MDGA2: variants seen among roughly 807,000 people sequenced by gnomAD.
MDGA2 encodes the protein MAM domain containing glycosylphosphatidylinositol anchor 2.
Under a neutral mutation model 117.8 loss-of-function variants are expected in MDGA2, and 40 were observed. The observed-to-expected ratio is 0.34, with a 90% CI of 0.26 to 0.44. The LOEUF is 0.44. MDGA2 is among the 20% of genes least tolerant of loss of function. The probability of loss-of-function intolerance (pLI) is 1.00; values close to 1 mark genes in which losing one functional copy is unlikely to be tolerated. For synonymous variants in MDGA2, 452 were observed against 439.0 expected, an observed-to-expected ratio of 1.03 and a Z score of -0.37; for missense variants, 1,123 against 1,250.6, an observed-to-expected ratio of 0.90 and a Z score of 1.54.
At chr14:47,042,316 T>TTG (rs1889100823) in intron 7 of MDGA2, among the ~76,000 whole-genome samples, 1 of 77,072 alleles carries the variant, frequency 1.3e-5, no homozygotes, top group Admixed American at 1.2e-4. Context: ...ATCTATGTTT[T>TTG]TTTTTTTTTT....
At chr14:47,110,444 C>A (rs571656899) in intron 5 of MDGA2, among the ~76,000 whole-genome samples, 1 of 152,226 alleles carries the variant, frequency 6.6e-6, no homozygotes, top group East Asian at 1.9e-4. Context: ...GTGTTGATTT[C>A]ATAGCTATAG....
rs142775730 is a variant in MDGA2, at chr14:46,888,859, T to C, written c.2239-6638A>G. ...TGTGTGTTTATTTCATTTATTTTTA[T>C]GTAACTCTATAAAAGATTGATATAT... On this transcript the variant is annotated intron_variant, in intron 10 of 16. Coordinates refer to ENST00000399232, the MANE Select transcript of MDGA2 (RefSeq NM_001113498.3). Among the ~76,000 whole-genome samples the C allele has an allele frequency of 2.5e-3, 387 of 152,060 alleles. 6 individuals are homozygous for C. The highest frequency in any genetic ancestry group is 9.0e-3 in the African/African-American group (374 of 41,556).
chr14:47,329,984 AG>A (rs1426512406), intron 1 of MDGA2, among the ~76,000 whole-genome samples: 5 of 151,984 alleles, frequency 3.3e-5, no homozygotes, highest in African/African-American at 1.2e-4. Context: ...TGAACCAATC[AG>A]GTGTTTTAAT....
chr14:47,072,846 C>T (rs1890344005), intron 6 of MDGA2, among the ~76,000 whole-genome samples: 2 of 152,152 alleles, frequency 1.3e-5, no homozygotes, highest in Admixed American at 6.6e-5. Context: ...GATATTAAGG[C>T]ACAAACTAAA....
At chr14:47,671,385 TA>T (rs1300570255) in intron 1 of MDGA2, among the ~76,000 whole-genome samples, 1 of 152,178 alleles carries the variant, frequency 6.6e-6, no homozygotes, top group Non-Finnish European at 1.5e-5. Context: ...CTCAATTCAC[TA>T]AAAAACAGAA....
Position 46,855,086 on chromosome 14 carries a change from C to T in MDGA2, c.2821G>A (p.Gly941Arg). 6.2e-7 allele frequency: 1 copy of T among 1,611,102 alleles called. No individual in the cohort carries two copies. ...TCATTCCATCTTTGTCCTTTATTCC[C>T]ACTTGAAGACCACAGTGGATTCTCT... ...TIENPLWSSS[G>R]NKGQRWNEAH... The change falls in exon 15 of 17, where the codon GGG becomes AGG. Residue 941 changes from glycine to arginine, a missense_variant. Gly to Arg is a moderately radical substitution (Grantham distance 125, BLOSUM62 -2). Transcript: ENST00000399232. The surrounding 1 kb of genome is among the most constrained non-coding windows in gnomAD (Gnocchi z 4.1).
intron 1 of MDGA2, among the ~76,000 whole-genome samples, chr14:47,448,246 G>T (rs1893168296): frequency 6.6e-6 from 1 of 151,920 alleles, no homozygotes. Context: ...CACCTCCTCG[G>T]TTCAAGCAAT....
At chr14:46,880,600 C>T (rs536688834) in intron 11 of MDGA2, among the ~76,000 whole-genome samples, 18 of 151,370 alleles carry the variant, frequency 1.2e-4, no homozygotes, top group African/African-American at 3.6e-4. Flanking sequence ...GTCGGGAGTT[C>T]GAGACCAGCC....
chr14:47,374,063 A>G (rs983967625), intron 1 of MDGA2, among the ~76,000 whole-genome samples: 1 of 152,142 alleles, frequency 6.6e-6, no homozygotes, highest in African/African-American at 2.4e-5. Context: ...TATCTTTGTT[A>G]TAAACCTACT....
At chr14:46,915,773 G>A (rs1341318102) in intron 10 of MDGA2, among the ~76,000 whole-genome samples, 2 of 152,100 alleles carry the variant, frequency 1.3e-5, no homozygotes, top group East Asian at 3.9e-4. Flanking sequence ...AACTGCGGGG[G>A]ACATGTGGAC....
chr14:47,624,128 A>C (rs1315425728), intron 1 of MDGA2, among the ~76,000 whole-genome samples: 1 of 152,172 alleles, frequency 6.6e-6, no homozygotes, highest in East Asian at 1.9e-4. Context: ...CTCACAACGT[A>C]GTAAGGTTGA....
intron 4 of MDGA2, among the ~76,000 whole-genome samples, chr14:47,135,871 C>T (rs1000028480): frequency 1.4e-4 from 21 of 152,024 alleles, no homozygotes; most frequent in African/African-American, 5.1e-4. Context: ...CCTATCTGAA[C>T]TGATGTGTCC....
At chr14:47,355,582 G>GA (rs757619712) in intron 1 of MDGA2, among the ~76,000 whole-genome samples, 4 of 151,630 alleles carry the variant, frequency 2.6e-5, no homozygotes, top group Non-Finnish European at 5.9e-5. Context: ...CTCTAGGTGG[G>GA]ACCACCCAGA....
chr14:47,458,996 G>A (rs540053465), intron 1 of MDGA2, among the ~76,000 whole-genome samples: 1 of 150,654 alleles, frequency 6.6e-6, no homozygotes, highest in Non-Finnish European at 1.5e-5. Flanking sequence ...TCTTTAACTA[G>A]GGAGAGAAGT....
chr14:47,103,184 C>T (rs978882161), intron 5 of MDGA2, among the ~76,000 whole-genome samples: 1 of 152,158 alleles, frequency 6.6e-6, no homozygotes, highest in Non-Finnish European at 1.5e-5. Context: ...CAAATTAAAT[C>T]CAGCTTGTAT....
chr14:47,670,293 C>T (rs552304394), intron 1 of MDGA2, among the ~76,000 whole-genome samples: 2 of 152,286 alleles, frequency 1.3e-5, no homozygotes, highest in Admixed American at 6.5e-5. Context: ...GCTATTCAGA[C>T]TTGAGTTGTA....
At chr14:47,334,276 A>G (rs1008449781) in intron 1 of MDGA2, among the ~76,000 whole-genome samples, 2 of 152,034 alleles carry the variant, frequency 1.3e-5, no homozygotes, top group East Asian at 1.9e-4. Flanking sequence ...GACTCACCAC[A>G]ATGAAACACA....
intron 11 of MDGA2, among the ~76,000 whole-genome samples, chr14:46,881,814 A>C (rs905741218): frequency 1.3e-5 from 2 of 152,118 alleles, no homozygotes; most frequent in African/African-American, 4.8e-5. Context: ...TATATCACAT[A>C]GGTTCACAAT....
intron 2 of MDGA2, among the ~76,000 whole-genome samples, chr14:47,275,913 T>A (rs1332149275): frequency 3.3e-5 from 5 of 152,100 alleles, no homozygotes; most frequent in African/African-American, 4.8e-5. Context: ...TAACTTTGTG[T>A]CCTCTGAAAC....
Sources: allele counts gnomAD v4.1 joint callset (sites outside exome capture counted in the v4.1 genomes callset), GRCh38; gene constraint gnomAD v4.1.1; non-coding constraint Gnocchi (gnomAD v3.1); transcripts MANE v1.5; gene names NCBI Gene and HGNC (gene_info 2026-07-23, HGNC 2026-07-21).